Variants in ALOX5AP observed in about 807,000 individuals in gnomAD.
ALOX5AP encodes arachidonate 5-lipoxygenase-activating protein.
A neutral mutation model predicts 18.5 loss-of-function variants in ALOX5AP; 9 were observed. The ratio of observed to expected loss-of-function variants is 0.49; its 90% CI spans 0.29 to 0.85. The LOEUF is 0.85. ALOX5AP is among the 40% of genes least tolerant of loss of function. The pLI is 0.08. For missense variants in ALOX5AP, 172 were observed against 202.5 expected (o/e 0.85, Z 0.91); for synonymous variants, 81 against 78.6 (o/e 1.03, Z -0.16).
intron 1 of ALOX5AP, among the ~76,000 whole-genome samples, chr13:30,736,538 G>A (rs1331379864): frequency 1.3e-5 from 2 of 152,210 alleles, no homozygotes; most frequent in Non-Finnish European, 2.9e-5. Flanking sequence ...GGCAGCTGCT[G>A]TAGCTTTATG....
At chr13:30,760,154 A>T (rs1404183290) in intron 4 of ALOX5AP, among the ~76,000 whole-genome samples, 1 of 152,028 alleles carries the variant, frequency 6.6e-6, no homozygotes, top group Non-Finnish European at 1.5e-5. Flanking sequence ...TTAAAATGAC[A>T]CTTCCCTAAA....
chr13:30,729,030 A>C (rs1341699504), intron 1 of ALOX5AP, among the ~76,000 whole-genome samples: 2 of 152,168 alleles, frequency 1.3e-5, no homozygotes, highest in Non-Finnish European at 2.9e-5. Context: ...GTATTTCCCT[A>C]GTGATTAATG....
intron 1 of ALOX5AP, among the ~76,000 whole-genome samples, chr13:30,721,690 C>T (rs558783497): frequency 4.2e-4 from 64 of 152,148 alleles, no homozygotes; most frequent in South Asian, 2.1e-4. Context: ...TGTGAGACTC[C>T]TCCTCTTAAA....
intron 1 of ALOX5AP, among the ~76,000 whole-genome samples, chr13:30,720,733 GAACTT>G (rs2137787452): frequency 6.6e-6 from 1 of 152,302 alleles, no homozygotes; most frequent in East Asian, 1.9e-4. Flanking sequence ...CTGGGGGAAG[GAACTT>G]AACTTTTGAA....
At chr13:30,718,126 A>C (rs886571132) in intron 1 of ALOX5AP, among the ~76,000 whole-genome samples, 1 of 151,406 alleles carries the variant, frequency 6.6e-6, no homozygotes, top group Non-Finnish European at 1.5e-5. Context: ...TGCCTGGCTA[A>C]TTTTGTATTT....
upstream of ALOX5AP, among the ~76,000 whole-genome samples, chr13:30,732,320 T>C (rs1280556399): frequency 2.6e-5 from 4 of 152,146 alleles, no homozygotes; most frequent in Non-Finnish European, 4.4e-5. Context: ...CCAGTGATGG[T>C]GGGGGCTGAC....
chr13:30,714,167 C>T (rs9508827), intron 1 of ALOX5AP, among the ~76,000 whole-genome samples: 8,177 of 145,902 alleles, frequency 0.056, 261 homozygotes, highest in South Asian at 0.096. Context: ...GAACAGATGC[C>T]GAATAGGCAT....
At chr13:30,735,430 T>C, upstream of ALOX5AP, 1 of 1,220,824 alleles carries the variant, frequency 8.2e-7, no homozygotes, top group Admixed American at 3.7e-5. Context: ...TTTTGGTGGT[T>C]AGTTAAAAAA....
At chr13:30,720,048 G>A (rs1250011563) in intron 1 of ALOX5AP, among the ~76,000 whole-genome samples, 1 of 152,200 alleles carries the variant, frequency 6.6e-6, no homozygotes, top group African/African-American at 2.4e-5. Context: ...TTTTAGTAGA[G>A]ACGGGGTTTC....
At chr13:30,763,880 T>C in intron 4 of ALOX5AP, 64 bp from the exon 5 acceptor site, 3 of 1,483,530 alleles carry the variant, frequency 2.0e-6, no homozygotes, top group Non-Finnish European at 2.8e-6. Flanking sequence ...GGTAACATTT[T>C]TGTGTGTGTG....
At position 30,744,077 on chromosome 13, in the gene ALOX5AP, G is replaced by A. The variant is rs375032484; in HGVS notation, c.88G>A (p.Val30Met). Reference protein sequence around the residue: ...VVQNGFFAHKVEHESRTQNGR... With the variant: ...VVQNGFFAHKMEHESRTQNGR... ...CTTGGCAGGATTCTTTGCCCATAAA[G>A]TGGAGCACGAAAGCAGGACCCAGAA... The change falls in exon 2 of 5, where the codon GTG (valine) becomes ATG (methionine). Residue 30 changes from valine (V) to methionine (M), a missense_variant. Val to Met is a conservative substitution (Grantham distance 21, BLOSUM62 1). Coordinates refer to ENST00000380490, the MANE Select transcript of ALOX5AP (RefSeq NM_001629.4). 1 of 1,614,146 alleles carries A rather than the reference G, an allele frequency of 6.2e-7. No individual in the cohort carries two copies. The highest frequency in any genetic ancestry group is 1.7e-5 in the Admixed American group (1 of 60,032).
At chr13:30,735,931 G>A (rs1351628584) in intron 1 of ALOX5AP, among the ~76,000 whole-genome samples, 1 of 152,164 alleles carries the variant, frequency 6.6e-6, no homozygotes, top group Non-Finnish European at 1.5e-5. Flanking sequence ...GCAACTTGAA[G>A]GTTTTGCTAA....
At position 30,739,212 on chromosome 13, in the gene ALOX5AP, G is replaced by A. The variant is rs528905987; in HGVS notation, c.70+3537G>A. ...AAGCTTGCGTTGTGTGAAGAATGGC[G>A]CTTCCTGCTGTGCTTAGTTTTATCT... On this transcript the variant is annotated intron_variant, in intron 1 of 4. Transcript: ENST00000380490. 1.1e-4 allele frequency among the ~76,000 whole-genome samples: 16 copies of A among 152,238 alleles called. No homozygotes were observed. In the South Asian group the frequency reaches 1.9e-3, roughly 18 times the overall value.
At chr13:30,757,660 G>A (rs912777209) in intron 4 of ALOX5AP, among the ~76,000 whole-genome samples, 1 of 152,098 alleles carries the variant, frequency 6.6e-6, no homozygotes, top group Admixed American at 6.5e-5. Flanking sequence ...CTCAGTCACT[G>A]CTCCTCTCTT....
At chr13:30,726,243 C>T (rs1291867498) in intron 1 of ALOX5AP, among the ~76,000 whole-genome samples, 2 of 152,168 alleles carry the variant, frequency 1.3e-5, no homozygotes, top group Non-Finnish European at 2.9e-5. Flanking sequence ...GTTCCTTTCT[C>T]ACCTAGGGTG....
chr13:30,715,306 A>G, intron 1 of ALOX5AP, among the ~76,000 whole-genome samples: 1 of 152,238 alleles, frequency 6.6e-6, no homozygotes, highest in Non-Finnish European at 1.5e-5. Context: ...GGTACAAAGC[A>G]CTTGGTCCCG....
intron 1 of ALOX5AP, among the ~76,000 whole-genome samples, chr13:30,728,914 T>TACCATTTTACATTC (rs1951658834): frequency 6.6e-6 from 1 of 152,236 alleles, no homozygotes; most frequent in South Asian, 2.1e-4. Context: ...TTTTTACATT[T>TACCATTTTACATTC]ACCATTTTAC....
chr13:30,756,552 T>C (rs549644875), intron 4 of ALOX5AP, among the ~76,000 whole-genome samples: 2 of 152,256 alleles, frequency 1.3e-5, no homozygotes, highest in African/African-American at 4.8e-5. Context: ...CTCACGCCTA[T>C]AATCCCAGCA....
intron 1 of ALOX5AP, among the ~76,000 whole-genome samples, chr13:30,740,987 T>A (rs894573696): frequency 8.5e-5 from 13 of 152,134 alleles, no homozygotes; most frequent in African/African-American, 2.9e-4. Flanking sequence ...CATCCCTCGG[T>A]ATCCCTGGGG....
Sources: gnomAD v4.1 joint callset for allele counts (sites outside exome capture counted in the v4.1 genomes callset) on GRCh38, gnomAD v4.1.1 for gene constraint, MANE v1.5 for transcripts, NCBI Gene and HGNC (gene_info 2026-07-23, HGNC 2026-07-21) for gene names.